The following ITFG1 variants were observed in gnomAD, a reference collection of about 807,000 sequenced individuals.
ITFG1 encodes the protein integrin alpha FG-GAP repeat containing 1, also known as T-cell immunomodulatory protein.
In ITFG1, 34 loss-of-function variants were observed where a neutral mutation model predicts 81.8. The ratio of observed to expected loss-of-function variants is 0.42; its 90% CI spans 0.32 to 0.55. The LOEUF is 0.55. Among genes scored for constraint, ITFG1 ranks in the 20% least tolerant of loss-of-function variants. The pLI is 0.17. For missense variants in ITFG1, 672 were observed against 755.4 expected (o/e 0.89, Z 1.29); for synonymous variants, 285 against 270.6 (o/e 1.05, Z -0.52).
intron 10 of ITFG1, 78 bp from the exon 11 acceptor site, chr16:47,260,773 A>G (rs1042396642): frequency 2.8e-6 from 4 of 1,426,950 alleles, no homozygotes; most frequent in Admixed American, 1.8e-5. Flanking sequence ...TTCCTAGATT[A>G]AAAGGAGACG....
At chr16:47,389,797 A>G (rs1968508266) in intron 6 of ITFG1, among the ~76,000 whole-genome samples, 1 of 152,196 alleles carries the variant, frequency 6.6e-6, no homozygotes, top group Non-Finnish European at 1.5e-5. Flanking sequence ...AAAAGTTAAA[A>G]AAGTTACTAA....
chr16:47,366,999 A>G (rs1968186070), intron 7 of ITFG1, among the ~76,000 whole-genome samples: 2 of 152,176 alleles, frequency 1.3e-5, no homozygotes. Flanking sequence ...AAATTACCCT[A>G]GACACCAGTC....
intron 10 of ITFG1, among the ~76,000 whole-genome samples, chr16:47,287,156 C>G (rs796705258): frequency 2.0e-5 from 3 of 152,274 alleles, no homozygotes; most frequent in African/African-American, 7.2e-5. Context: ...GAAGACCATT[C>G]TAACTCTGTA....
chr16:47,460,800 C>A lies in ITFG1; in HGVS notation c.208+38G>T, dbSNP rs117882010. 3.7e-6 allele frequency: 6 copies of A among 1,603,278 alleles called. No individual in the cohort carries two copies. In the Admixed American group the frequency reaches 8.5e-5, roughly 23 times the overall value. On this transcript the variant is annotated intron_variant, in intron 1 of 17. Coordinates refer to ENST00000320640, the MANE Select transcript of ITFG1 (RefSeq NM_030790.5). The stretch of plus-strand genomic sequence containing the variant: ...TTTGGGGAACACCGGGAGAGGCACA[C>A]GGACAGCGAACAGAGGGAGGGCCCG...
intron 2 of ITFG1, among the ~76,000 whole-genome samples, chr16:47,455,777 CAA>C (rs1325999369): frequency 2.2e-5 from 1 of 46,268 alleles, no homozygotes; most frequent in Non-Finnish European, 4.4e-5. Context: ...CATCCCCCAC[CAA>C]AAAAAAAAAA....
intron 6 of ITFG1, among the ~76,000 whole-genome samples, chr16:47,382,786 G>C (rs887550138): frequency 3.9e-5 from 6 of 152,206 alleles, no homozygotes; most frequent in Non-Finnish European, 7.3e-5. Context: ...CCTGTTAACT[G>C]CACTGAAATG....
intron 10 of ITFG1, among the ~76,000 whole-genome samples, chr16:47,307,093 CAAAAAAAAAAAAAAAAA>C (rs371103697): frequency 6.1e-5 from 1 of 16,474 alleles, no homozygotes; most frequent in East Asian, 2.4e-3. Flanking sequence ...AACTCCGTCT[CAAAAAAAAAAAAAAAAA>C]AAAAAAAAAA....
At chr16:47,389,936 A>G (rs1188926855) in intron 6 of ITFG1, among the ~76,000 whole-genome samples, 1 of 152,254 alleles carries the variant, frequency 6.6e-6, no homozygotes, top group Non-Finnish European at 1.5e-5. Context: ...TTGCAATAAG[A>G]ACATTAATAA....
At chr16:47,391,045 T>C (rs73543108) in intron 6 of ITFG1, among the ~76,000 whole-genome samples, 18,044 of 151,850 alleles carry the variant, frequency 0.12, 2,357 homozygotes, top group African/African-American at 0.33. Context: ...AGAATCTTAG[T>C]AGCTGGGGGG....
At chr16:47,434,565 T>C (rs1226334234) in intron 5 of ITFG1, among the ~76,000 whole-genome samples, 1 of 151,932 alleles carries the variant, frequency 6.6e-6, no homozygotes, top group African/African-American at 2.4e-5. Flanking sequence ...TCTGGCAAGG[T>C]TGTGGAGAAA....
At chr16:47,450,890 G>C (rs147324579) in intron 5 of ITFG1, among the ~76,000 whole-genome samples, 2 of 152,174 alleles carry the variant, frequency 1.3e-5, no homozygotes, top group Admixed American at 6.5e-5. Context: ...TGCATACTTA[G>C]ATAGTAAGAG....
chr16:47,443,394 C>T (rs1280520940), intron 5 of ITFG1, among the ~76,000 whole-genome samples: 1 of 152,130 alleles, frequency 6.6e-6, no homozygotes, highest in Non-Finnish European at 1.5e-5. Flanking sequence ...CGTCCCATTA[C>T]TGGGTATATA....
At chr16:47,438,378 A>G (rs1338692692) in intron 5 of ITFG1, among the ~76,000 whole-genome samples, 1 of 152,224 alleles carries the variant, frequency 6.6e-6, no homozygotes, top group Non-Finnish European at 1.5e-5. Flanking sequence ...GAGAACAGGC[A>G]GACTGCCTCC....
At chr16:47,179,179 A>G (rs1223035168) in intron 14 of ITFG1, among the ~76,000 whole-genome samples, 9 of 152,100 alleles carry the variant, frequency 5.9e-5, no homozygotes, top group Non-Finnish European at 8.8e-5. Context: ...CAATTCCTCA[A>G]GGATCTAGAA....
chr16:47,381,135 G>A (rs978131467), intron 6 of ITFG1, among the ~76,000 whole-genome samples: 1 of 152,132 alleles, frequency 6.6e-6, no homozygotes, highest in Non-Finnish European at 1.5e-5. Flanking sequence ...GAGCTCTCTG[G>A]TTAAAGTTGG....
chr16:47,442,734 T>G (rs1969270062), intron 5 of ITFG1, among the ~76,000 whole-genome samples: 1 of 152,186 alleles, frequency 6.6e-6, no homozygotes, highest in Non-Finnish European at 1.5e-5. Flanking sequence ...TCCTTACACC[T>G]TATACAAAAA....
intron 10 of ITFG1, among the ~76,000 whole-genome samples, chr16:47,286,622 A>G (rs1034231889): frequency 6.6e-6 from 1 of 151,890 alleles, no homozygotes; most frequent in Non-Finnish European, 1.5e-5. Flanking sequence ...CCTGGGCGAC[A>G]AGAGTGAAAC....
At chr16:47,355,307 T>C (rs1266837265) in intron 8 of ITFG1, among the ~76,000 whole-genome samples, 1 of 152,092 alleles carries the variant, frequency 6.6e-6, no homozygotes, top group Non-Finnish European at 1.5e-5. Flanking sequence ...ATAAATACCA[T>C]ATGAATTCAC....
At chr16:47,303,034 G>A (rs1967100947) in intron 10 of ITFG1, among the ~76,000 whole-genome samples, 1 of 152,192 alleles carries the variant, frequency 6.6e-6, no homozygotes, top group African/African-American at 2.4e-5. Flanking sequence ...CACTTTGGGA[G>A]GCTGAGGCGG....
Sources: allele counts gnomAD v4.1 joint callset (sites outside exome capture counted in the v4.1 genomes callset), GRCh38; gene constraint gnomAD v4.1.1; transcripts MANE v1.5; gene names NCBI Gene and HGNC (gene_info 2026-07-23, HGNC 2026-07-21).